ENOX1: variants seen among roughly 807,000 people sequenced by gnomAD.
ENOX1 encodes the protein ecto-NOX disulfide-thiol exchanger 1, also known as candidate growth-related and time keeping constitutive hydroquinone (NADH) oxidase.
A neutral mutation model predicts 82.5 loss-of-function variants in ENOX1; 42 were observed. That is an observed-to-expected ratio of 0.51 (90% confidence interval 0.40 to 0.66). ENOX1 has a LOEUF of 0.66. ENOX1 is among the 30% of genes least tolerant of loss of function. The pLI is 0.00. For missense variants in ENOX1, 608 were observed against 811.6 expected (o/e 0.75, Z 3.05); for synonymous variants, 271 against 282.2 (o/e 0.96, Z 0.40).
At chr13:43,320,330 G>A (rs2047733674) in intron 11 of ENOX1, among the ~76,000 whole-genome samples, 1 of 152,130 alleles carries the variant, frequency 6.6e-6, no homozygotes, top group Non-Finnish European at 1.5e-5. Context: ...CTCAGAACTT[G>A]GCATACAACA....
chr13:43,611,963 AT>A (rs907795559), intron 2 of ENOX1, among the ~76,000 whole-genome samples: 2 of 152,042 alleles, frequency 1.3e-5, no homozygotes, highest in African/African-American at 4.8e-5. Context: ...GGGTTAACAC[AT>A]TTTTTCCCTT....
In ENOX1 at chr13:43,573,570, T is replaced by A. The variant is rs189000653; in HGVS notation, c.-218-89418A>T. On this transcript the variant is annotated intron_variant, in intron 2 of 16. Coordinates refer to ENST00000690772, the MANE Select transcript of ENOX1 (RefSeq NM_001347969.2). ...CTGTCACGGCAAGAATGAAGAAATG[T>A]GTGTGTTCTCATGCCCTGCCATTAA... Among the ~76,000 whole-genome samples the A allele has an allele frequency of 2.9e-3, 439 of 152,304 alleles. 4 individuals carry two copies. Among genetic ancestry groups the A allele is most frequent in the African/African-American group, 0.01 (419 of 41,562 alleles).
At chr13:43,269,647 C>A (rs986188743) in intron 12 of ENOX1, 70 bp from the exon 13 acceptor site, 2 of 1,196,702 alleles carry the variant, frequency 1.7e-6, no homozygotes, top group Admixed American at 1.7e-5. Context: ...TCCACAATAC[C>A]CATTCAAAAT....
chr13:43,750,161 G>GGTCC lies in ENOX1; in HGVS notation c.-285+36487_-285+36490dup, dbSNP rs564408012. On this transcript the variant is annotated intron_variant, in intron 1 of 16. Coordinates refer to ENST00000690772, the MANE Select transcript of ENOX1 (RefSeq NM_001347969.2). Reference sequence around the variant, plus strand: ...TAGTTTTCCAACTCATAAGGCTGAAGGTCCACTCCCAGGAGGAAGAAAAAA... The same window carrying GGTCC: ...TAGTTTTCCAACTCATAAGGCTGAAGGTCCGTCCACTCCCAGGAGGAAGAAAAAA... 2.6e-4 allele frequency among the ~76,000 whole-genome samples: 39 copies of GGTCC among 152,236 alleles called. No homozygotes were observed. In the East Asian group the frequency reaches 7.2e-3, roughly 28 times the overall value.
chr13:43,593,246 A>C (rs571366460), intron 2 of ENOX1, among the ~76,000 whole-genome samples: 191 of 152,280 alleles, frequency 1.3e-3, no homozygotes, highest in African/African-American at 3.7e-3. Flanking sequence ...ATTTTGCCCA[A>C]AATGCATCCT....
intron 2 of ENOX1, among the ~76,000 whole-genome samples, chr13:43,565,970 G>T (rs1477308759): frequency 1.3e-5 from 2 of 152,146 alleles, no homozygotes; most frequent in Non-Finnish European, 2.9e-5. Flanking sequence ...TTTTCTATTT[G>T]TTTGGCCTAA....
intron 2 of ENOX1, among the ~76,000 whole-genome samples, chr13:43,654,430 T>G (rs1393891575): frequency 6.6e-6 from 1 of 152,176 alleles, no homozygotes; most frequent in Non-Finnish European, 1.5e-5. Context: ...AAATACATAT[T>G]TATGTATCTA....
At chr13:43,691,698 CTTT>C (rs567406882) in intron 1 of ENOX1, among the ~76,000 whole-genome samples, 2 of 135,682 alleles carry the variant, frequency 1.5e-5, no homozygotes, top group Admixed American at 7.5e-5. Flanking sequence ...AGCCCACAGA[CTTT>C]TTTTTTTTTT....
intron 2 of ENOX1, among the ~76,000 whole-genome samples, chr13:43,565,857 T>C (rs2153708064): frequency 6.6e-6 from 1 of 152,250 alleles, no homozygotes. Context: ...AACCCCACCA[T>C]GCCATCCTAG....
At chr13:43,347,115 C>T (rs900198088) in intron 8 of ENOX1, among the ~76,000 whole-genome samples, 1 of 152,006 alleles carries the variant, frequency 6.6e-6, no homozygotes, top group East Asian at 1.9e-4. Flanking sequence ...ACTTTACTAT[C>T]AGGAAAAAAA....
At position 43,473,704 on chromosome 13, in the gene ENOX1, T is replaced by C. The variant is rs1479112924; in HGVS notation, c.-75+10305A>G. Among the ~76,000 whole-genome samples the C allele has an allele frequency of 2.6e-5, 4 of 152,176 alleles. No individual in the cohort carries two copies. In the East Asian group the frequency reaches 5.8e-4, roughly 22 times the overall value. ...GGCTGCATGCCAAATTTTGGGTTAA[T>C]AGGGAAGAGAAAGCTGGTTGGCAAT... On this transcript the variant is annotated intron_variant, in intron 3 of 16. Coordinates refer to ENST00000690772, the MANE Select transcript of ENOX1 (RefSeq NM_001347969.2).
intron 1 of ENOX1, among the ~76,000 whole-genome samples, chr13:43,743,788 T>C (rs1354981313): frequency 1.3e-5 from 2 of 152,204 alleles, no homozygotes; most frequent in African/African-American, 2.4e-5. Context: ...ATACTTAAGA[T>C]TGTGTAATTT....
At chr13:43,363,755 G>A (rs1220103681) in intron 5 of ENOX1, among the ~76,000 whole-genome samples, 1 of 152,212 alleles carries the variant, frequency 6.6e-6, no homozygotes, top group South Asian at 2.1e-4. Flanking sequence ...CAAATGAGAA[G>A]AGAAGCCCAG....
chr13:43,443,793 A>C (rs559915179), intron 3 of ENOX1, among the ~76,000 whole-genome samples: 2 of 152,224 alleles, frequency 1.3e-5, no homozygotes, highest in East Asian at 3.9e-4. Context: ...ATAGGATCAG[A>C]CCAGGCGAAG....
At chr13:43,469,161 T>A (rs1419683839) in intron 3 of ENOX1, among the ~76,000 whole-genome samples, 1 of 152,188 alleles carries the variant, frequency 6.6e-6, no homozygotes, top group Non-Finnish European at 1.5e-5. Context: ...CCTAGTTTGT[T>A]GAGCATATTT....
chr13:43,395,988 G>A (rs2053120074), intron 5 of ENOX1, among the ~76,000 whole-genome samples: 1 of 152,092 alleles, frequency 6.6e-6, no homozygotes, highest in Non-Finnish European at 1.5e-5. Context: ...AACAAACGAT[G>A]GCCACTTATT....
At chr13:43,539,850 T>C (rs755199024) in intron 2 of ENOX1, among the ~76,000 whole-genome samples, 7 of 152,202 alleles carry the variant, frequency 4.6e-5, no homozygotes, top group Non-Finnish European at 1.0e-4. Flanking sequence ...AACTAAAACT[T>C]TGAGATTATT....
chr13:43,651,110 T>C (rs2084147495), intron 2 of ENOX1, among the ~76,000 whole-genome samples: 1 of 152,186 alleles, frequency 6.6e-6, no homozygotes, highest in Non-Finnish European at 1.5e-5. Context: ...CCACAGCACA[T>C]GGGACCTCTG....
chr13:43,618,572 G>T (rs2082585665), intron 2 of ENOX1, among the ~76,000 whole-genome samples: 1 of 152,030 alleles, frequency 6.6e-6, no homozygotes, highest in African/African-American at 2.4e-5. Flanking sequence ...TTATTTCTGG[G>T]TTCTCTATTC....
Sources: allele counts gnomAD v4.1 joint callset (sites outside exome capture counted in the v4.1 genomes callset), GRCh38; gene constraint gnomAD v4.1.1; transcripts MANE v1.5; gene names NCBI Gene and HGNC (gene_info 2026-07-23, HGNC 2026-07-21).